Variants in GPM6A observed in about 807,000 individuals in gnomAD.
GPM6A encodes glycoprotein M6A.
In GPM6A, 7 loss-of-function variants were observed where a neutral mutation model predicts 32.1. That is an observed-to-expected ratio of 0.22 (90% CI 0.12 to 0.41). The LOEUF is 0.41. Ranked by LOEUF, GPM6A falls within the 10% of genes least tolerant of loss-of-function variation. The probability of loss-of-function intolerance (pLI) is 1.00; values close to 1 mark genes in which losing one functional copy is unlikely to be tolerated. For synonymous variants in GPM6A, 130 were observed against 123.4 expected, an observed-to-expected ratio of 1.05 and a Z score of -0.35; for missense variants, 235 against 347.2, an observed-to-expected ratio of 0.68 and a Z score of 2.57.
At chr4:175,831,712 T>A (rs1233077472) in intron 1 of GPM6A, among the ~76,000 whole-genome samples, 9 of 98,194 alleles carry the variant, frequency 9.2e-5, no homozygotes, top group African/African-American at 3.1e-4. Context: ...CATTTAGCCA[T>A]CTCTTTTTTT....
At chr4:175,703,419 C>T (rs1286434370) in intron 1 of GPM6A, among the ~76,000 whole-genome samples, 2 of 152,134 alleles carry the variant, frequency 1.3e-5, no homozygotes, top group African/African-American at 4.8e-5. Context: ...GATCCATCCA[C>T]CCTAGCCTCC....
chr4:175,936,263 G>T lies in GPM6A; in HGVS notation c.-23+66046C>A, dbSNP rs186543179. On this transcript the variant is annotated intron_variant, in intron 1 of 7. Transcript: ENST00000280187. ...AGAGCTTGCAGTGAGCCAAGATCGC[G>T]CCACTGCACTCCAGCCTGGGCGACA... 1.3e-4 allele frequency among the ~76,000 whole-genome samples: 15 copies of T among 116,574 alleles called. No individual in the cohort carries two copies. The East Asian group carries it at 2.0e-3, about 15-fold the overall frequency. The allele number at this position is 116,574 out of a possible 152,430, so 76.5% of individuals were successfully genotyped here.
chr4:175,636,260 G>GTGTATATATATATATATATATA (rs1203632844), intron 6 of GPM6A, among the ~76,000 whole-genome samples: 1 of 101,340 alleles, frequency 9.9e-6, no homozygotes, highest in African/African-American at 4.0e-5. Context: ...CATAATCACT[G>GTGTATATATATATATATATATA]TATATATATA....
chr4:175,662,994 T>C (rs537680310), intron 3 of GPM6A, among the ~76,000 whole-genome samples: 13 of 152,256 alleles, frequency 8.5e-5, no homozygotes, highest in African/African-American at 1.7e-4. Flanking sequence ...AAAATATAAA[T>C]TTTCCCTACC....
At chr4:175,740,464 C>A (rs569556314) in intron 1 of GPM6A, among the ~76,000 whole-genome samples, 1 of 151,908 alleles carries the variant, frequency 6.6e-6, no homozygotes, top group African/African-American at 2.4e-5. Context: ...TAAAGACCAG[C>A]AAATGTCATT....
At chr4:175,985,623 C>T (rs1740950749) in intron 1 of GPM6A, among the ~76,000 whole-genome samples, 1 of 152,080 alleles carries the variant, frequency 6.6e-6, no homozygotes, top group African/African-American at 2.4e-5. Context: ...AGTGAGTGTC[C>T]TTTTCCTGTA....
chr4:175,929,177 A>C (rs1738943616), intron 1 of GPM6A, among the ~76,000 whole-genome samples: 1 of 152,246 alleles, frequency 6.6e-6, no homozygotes, highest in South Asian at 2.1e-4. Flanking sequence ...TTACCGCCCT[A>C]TGACAAGGAA....
intron 1 of GPM6A, among the ~76,000 whole-genome samples, chr4:175,875,880 G>A (rs967579056): frequency 2.0e-5 from 3 of 152,104 alleles, no homozygotes; most frequent in Non-Finnish European, 2.9e-5. Context: ...ATCTTTGAGA[G>A]CTATGATTTC....
intron 1 of GPM6A, among the ~76,000 whole-genome samples, chr4:175,844,064 A>G (rs148849812): frequency 1.4e-3 from 211 of 152,266 alleles, no homozygotes; most frequent in African/African-American, 4.6e-3. Flanking sequence ...TTTCTCATCC[A>G]CTGACCACAT....
chr4:175,735,562 TC>T (rs1731623118), intron 1 of GPM6A, among the ~76,000 whole-genome samples: 1 of 151,602 alleles, frequency 6.6e-6, no homozygotes, highest in Non-Finnish European at 1.5e-5. Flanking sequence ...TATTTATGAA[TC>T]TTTTTTTTTT....
intron 1 of GPM6A, among the ~76,000 whole-genome samples, chr4:175,990,537 G>C (rs1019079946): frequency 2.0e-5 from 3 of 152,196 alleles, no homozygotes; most frequent in Admixed American, 2.0e-4. Context: ...TATGTGCAGA[G>C]CAAGGGTGGG....
At chr4:175,730,282 G>A (rs1382927683) in intron 1 of GPM6A, among the ~76,000 whole-genome samples, 3 of 151,992 alleles carry the variant, frequency 2.0e-5, no homozygotes, top group East Asian at 1.9e-4. Flanking sequence ...CTGCTCTCTC[G>A]CCCAGGCTGG....
chr4:175,667,274 A>C (rs556590217), intron 3 of GPM6A, among the ~76,000 whole-genome samples: 1 of 152,340 alleles, frequency 6.6e-6, no homozygotes, highest in South Asian at 2.1e-4. Flanking sequence ...GTGATGAGAA[A>C]GACACTTTAT....
intron 1 of GPM6A, chr4:175,962,125 AC>A: frequency 1.3e-6 from 1 of 774,286 alleles, no homozygotes; most frequent in South Asian, 1.3e-5. Flanking sequence ...CACCATCCGG[AC>A]CCAGTGACAA....
At chr4:175,993,897 G>A (rs1741225869) in intron 1 of GPM6A, among the ~76,000 whole-genome samples, 1 of 152,164 alleles carries the variant, frequency 6.6e-6, no homozygotes, top group African/African-American at 2.4e-5. Context: ...CCAGGCATTT[G>A]TGCAACTTAC....
intron 2 of GPM6A, among the ~76,000 whole-genome samples, chr4:175,689,059 A>C (rs1744148949): frequency 6.6e-6 from 1 of 152,066 alleles, no homozygotes; most frequent in Non-Finnish European, 1.5e-5. Context: ...TTACGAACGC[A>C]CTGGGATTAC....
intron 6 of GPM6A, among the ~76,000 whole-genome samples, chr4:175,638,237 C>T (rs994779710): frequency 1.3e-5 from 2 of 150,522 alleles, no homozygotes; most frequent in Admixed American, 1.3e-4. Flanking sequence ...TAATAAAGTC[C>T]CTGCTTTATT....
chr4:175,868,652 A>G (rs554943090), intron 1 of GPM6A, among the ~76,000 whole-genome samples: 1 of 152,278 alleles, frequency 6.6e-6, no homozygotes, highest in African/African-American at 2.4e-5. Context: ...ACGGATTGCT[A>G]ATTTAATTTT....
chr4:175,719,638 G>T (rs966331150), intron 1 of GPM6A, among the ~76,000 whole-genome samples: 5 of 152,002 alleles, frequency 3.3e-5, no homozygotes, highest in African/African-American at 7.3e-5. Context: ...GCCACCATTT[G>T]TTAAAAGGAA....
Sources: allele counts gnomAD v4.1 joint callset (sites outside exome capture counted in the v4.1 genomes callset), GRCh38; gene constraint gnomAD v4.1.1; transcripts MANE v1.5; gene names NCBI Gene and HGNC (gene_info 2026-07-23, HGNC 2026-07-21).